The following LGR4 variants were observed in gnomAD, a reference collection of about 807,000 sequenced individuals.
The protein encoded by LGR4 is leucine rich repeat containing G protein-coupled receptor 4.
In LGR4, 44 loss-of-function variants were observed where a neutral mutation model predicts 84.8. That is an observed-to-expected ratio of 0.52 (90% confidence interval 0.41 to 0.67). The LOEUF (loss-of-function observed/expected upper bound fraction) is 0.67. LGR4 is among the 30% of genes least tolerant of loss of function. The pLI is 0.00. For missense variants in LGR4, 1,032 were observed against 1,131.4 expected (o/e 0.91, Z 1.26); for synonymous variants, 429 against 434.3 (o/e 0.99, Z 0.15).
chr11:27,391,265 CA>C, intron 3 of LGR4, 100 bp from the exon 4 acceptor site: 1 of 590,604 alleles, frequency 1.7e-6, no homozygotes, highest in East Asian at 3.0e-5. Context: ...AAAATATTTC[CA>C]ATGGGAAAAT....
chr11:27,395,751 G>A (rs1228880356), intron 2 of LGR4, among the ~76,000 whole-genome samples: 2 of 152,172 alleles, frequency 1.3e-5, no homozygotes, highest in Non-Finnish European at 2.9e-5. Context: ...ATCTACGTAA[G>A]TTTACGGAGC....
At chr11:27,395,501 A>G (rs1160862093) in intron 2 of LGR4, among the ~76,000 whole-genome samples, 1 of 152,244 alleles carries the variant, frequency 6.6e-6, no homozygotes, top group Non-Finnish European at 1.5e-5. Flanking sequence ...TTTATAAACC[A>G]TGAGAAAACT....
At chr11:27,411,139 A>G (rs1459518326) in intron 2 of LGR4, among the ~76,000 whole-genome samples, 1 of 152,166 alleles carries the variant, frequency 6.6e-6, no homozygotes, top group East Asian at 1.9e-4. Flanking sequence ...TCCCATAGTG[A>G]TTATATTATA....
chr11:27,459,493 T>G (rs76270760), intron 1 of LGR4, among the ~76,000 whole-genome samples: 1 of 151,948 alleles, frequency 6.6e-6, no homozygotes, highest in African/African-American at 2.4e-5. Flanking sequence ...TTTTTTTTTT[T>G]TGAGACAGAG....
chr11:27,374,145 G>T, intron 13 of LGR4, 99 bp from the exon 14 acceptor site: 2 of 768,922 alleles, frequency 2.6e-6, no homozygotes, highest in South Asian at 1.5e-5. Flanking sequence ...ACACAATATC[G>T]CTGATAAGAT....
At chr11:27,451,539 T>C (rs1243109262) in intron 1 of LGR4, among the ~76,000 whole-genome samples, 2 of 152,214 alleles carry the variant, frequency 1.3e-5, no homozygotes, top group Non-Finnish European at 2.9e-5. Flanking sequence ...AATGAAGTAA[T>C]CAAGTGTAAA....
At chr11:27,413,837 T>C (rs1863760401) in intron 1 of LGR4, among the ~76,000 whole-genome samples, 1 of 152,142 alleles carries the variant, frequency 6.6e-6, no homozygotes. Flanking sequence ...TACTGTGTTA[T>C]TCCATCCATT....
At chr11:27,384,965 T>C (rs1863159680) in intron 5 of LGR4, among the ~76,000 whole-genome samples, 1 of 152,202 alleles carries the variant, frequency 6.6e-6, no homozygotes, top group African/African-American at 2.4e-5. Flanking sequence ...TAACATTGAA[T>C]ACGCTGCTGG....
Position 27,379,743 on chromosome 11 carries a change from G to T in LGR4, c.971+528C>A, listed in dbSNP as rs1043235788. On this transcript the variant is annotated intron_variant, in intron 10 of 17. Coordinates refer to ENST00000379214, the MANE Select transcript of LGR4 (RefSeq NM_018490.5). ...AAACTGCCACAACCAAATGTGCAAC[G>T]TTCAAAGCTTGTCATTTCAAAGTCT... Among the ~76,000 whole-genome samples, 6 of 152,124 alleles carry T rather than the reference G, an allele frequency of 3.9e-5. No homozygotes were observed. In the South Asian group the frequency reaches 8.3e-4, roughly 21 times the overall value.
intron 2 of LGR4, among the ~76,000 whole-genome samples, chr11:27,396,682 C>G (rs571743777): frequency 2.8e-3 from 428 of 152,286 alleles, no homozygotes; most frequent in Middle Eastern, 0.017. Context: ...GTTTTCGTAG[C>G]TTCTCACTAC....
At chr11:27,468,427 C>T (rs983442328) in intron 1 of LGR4, among the ~76,000 whole-genome samples, 3 of 152,152 alleles carry the variant, frequency 2.0e-5, no homozygotes, top group Non-Finnish European at 4.4e-5. Context: ...GTCATGCATT[C>T]TGCAACAAGT....
intron 16 of LGR4, 36 bp downstream of exon 16, chr11:27,372,247 A>C (rs1287131740): frequency 8.7e-7 from 1 of 1,148,016 alleles, no homozygotes; most frequent in East Asian, 2.3e-5. Flanking sequence ...CAATGCCTTA[A>C]AGGAGTGTTC....
chr11:27,428,826 T>C (rs1864068834), intron 1 of LGR4, among the ~76,000 whole-genome samples: 1 of 152,198 alleles, frequency 6.6e-6, no homozygotes, highest in Non-Finnish European at 1.5e-5. Flanking sequence ...GGGATCCTCC[T>C]GCTTTGGCCT....
intron 1 of LGR4, among the ~76,000 whole-genome samples, chr11:27,464,547 A>G (rs1197584585): frequency 6.6e-6 from 1 of 152,220 alleles, no homozygotes; most frequent in Non-Finnish European, 1.5e-5. Context: ...CACCACTTGT[A>G]CTAAATGACT....
At position 27,410,026 on chromosome 11, in the gene LGR4, T is replaced by C. The variant is rs139456196; in HGVS notation, c.257+2763A>G. Among the ~76,000 whole-genome samples the C allele has an allele frequency of 3.1e-3, 474 of 152,294 alleles. 3 individuals are homozygous for C. Among genetic ancestry groups the C allele is most frequent in the Non-Finnish European group, 5.8e-3 (397 of 68,014 alleles). ...TGATCCACATCTGCACTGTCTAATA[T>C]AGTAGCAACCACAGGCAGCTATATG... On this transcript the variant is annotated intron_variant, in intron 2 of 17. Transcript: ENST00000379214.
At chr11:27,466,397 A>G (rs998428883) in intron 1 of LGR4, among the ~76,000 whole-genome samples, 2 of 152,256 alleles carry the variant, frequency 1.3e-5, no homozygotes, top group Non-Finnish European at 2.9e-5. Context: ...TCAAATGTCC[A>G]TTATTTATTG....
rs1267970663 is a variant in LGR4 at position 27,402,881 on chromosome 11, C to T, written c.257+9908G>A. ...GTACACAGTCATCTAGTGATCTTGA[C>T]GTAGAAGCAAATACACAAACAACTA... On this transcript the variant is annotated intron_variant, in intron 2 of 17. Transcript: ENST00000379214. 3.3e-5 allele frequency among the ~76,000 whole-genome samples: 5 copies of T among 152,204 alleles called. No individual in the cohort carries two copies. In the East Asian group the frequency reaches 7.7e-4, roughly 24 times the overall value.
intron 9 of LGR4, 59 bp downstream of exon 9, chr11:27,380,581 G>A (rs1863073458): frequency 5.9e-6 from 7 of 1,186,226 alleles, no homozygotes; most frequent in African/African-American, 1.5e-5. Context: ...ATAAATTCTT[G>A]TTTTCCACTA....
chr11:27,464,096 G>C (rs1045629179), intron 1 of LGR4, among the ~76,000 whole-genome samples: 3 of 152,202 alleles, frequency 2.0e-5, no homozygotes, highest in African/African-American at 7.2e-5. Flanking sequence ...GAAAAGAGTT[G>C]ATAGGCTGGC....
Sources: allele counts gnomAD v4.1 joint callset (sites outside exome capture counted in the v4.1 genomes callset), GRCh38; gene constraint gnomAD v4.1.1; transcripts MANE v1.5; gene names NCBI Gene and HGNC (gene_info 2026-07-23, HGNC 2026-07-21).